UNC13C: variants seen among roughly 807,000 people sequenced by gnomAD.
UNC13C encodes protein unc-13 homolog C.
UNC13C carries 174 observed loss-of-function variants against 245.4 expected under a neutral mutation model. The ratio of observed to expected loss-of-function variants is 0.71; its 90% CI spans 0.63 to 0.80. The LOEUF (loss-of-function observed/expected upper bound fraction) is 0.80, where lower values mean the gene tolerates loss of function less well. Among genes scored for constraint, UNC13C ranks in the 30% least tolerant of loss-of-function variants. The pLI is 0.00. For synonymous variants in UNC13C, 992 were observed against 895.1 expected (o/e 1.11, Z -1.93); for missense variants, 2,829 against 2,602.9 (o/e 1.09, Z -1.89).
At chr15:54,384,502 G>A (rs1373198889) in intron 17 of UNC13C, among the ~76,000 whole-genome samples, 2 of 151,922 alleles carry the variant, frequency 1.3e-5, no homozygotes, top group Non-Finnish European at 2.9e-5. Context: ...TATACAAAAG[G>A]CAACTCAATA....
At chr15:54,456,442 GTGTGAT>G (rs1034696968) in intron 19 of UNC13C, among the ~76,000 whole-genome samples, 1 of 151,986 alleles carries the variant, frequency 6.6e-6, no homozygotes, top group African/African-American at 2.4e-5. Flanking sequence ...GCTTTTGGCA[GTGTGAT>G]CATTTTCATA....
chr15:54,206,253 C>T (rs569278071), intron 4 of UNC13C, among the ~76,000 whole-genome samples: 3 of 152,132 alleles, frequency 2.0e-5, no homozygotes, highest in Non-Finnish European at 4.4e-5. Context: ...GCACTAGTCA[C>T]TTACAACCCA....
the UNC13C span, among the ~76,000 whole-genome samples, chr15:53,854,565 T>C: frequency 6.6e-6 from 1 of 152,176 alleles, no homozygotes; most frequent in Admixed American, 6.5e-5. Flanking sequence ...CTTTCCCCAT[T>C]AATTGTTTTT....
chr15:54,571,858 T>C (rs546830641), intron 30 of UNC13C, among the ~76,000 whole-genome samples: 34 of 152,332 alleles, frequency 2.2e-4, no homozygotes, highest in African/African-American at 7.7e-4. Flanking sequence ...ATCTTCCTCA[T>C]TTGTGACCAA....
intron 25 of UNC13C, among the ~76,000 whole-genome samples, chr15:54,530,775 A>AGG (rs963621851): frequency 6.6e-6 from 1 of 152,170 alleles, no homozygotes; most frequent in African/African-American, 2.4e-5. Context: ...GAACACCAGG[A>AGG]GGTCTATTGT....
chr15:54,170,224 G>A (rs2033344423), intron 4 of UNC13C, among the ~76,000 whole-genome samples: 1 of 151,900 alleles, frequency 6.6e-6, no homozygotes, highest in Non-Finnish European at 1.5e-5. Flanking sequence ...TTCCATTTGA[G>A]AAGCATTTGT....
chr15:54,475,066 A>C (rs992501493), intron 19 of UNC13C, among the ~76,000 whole-genome samples: 1 of 151,952 alleles, frequency 6.6e-6, no homozygotes. Flanking sequence ...ATCAAATTTC[A>C]ACACAAGATT....
chr15:54,603,578 C>A (rs1899573892), intron 30 of UNC13C, among the ~76,000 whole-genome samples: 1 of 152,060 alleles, frequency 6.6e-6, no homozygotes, highest in Admixed American at 6.6e-5. Context: ...ATATGAAGAA[C>A]TGGCCAGGCA....
At chr15:54,381,888 C>T (rs1276273043) in intron 17 of UNC13C, among the ~76,000 whole-genome samples, 1 of 152,160 alleles carries the variant, frequency 6.6e-6, no homozygotes, top group African/African-American at 2.4e-5. Context: ...TTAAACTGAA[C>T]TTGCGACCAA....
intron 19 of UNC13C, among the ~76,000 whole-genome samples, chr15:54,467,396 C>CT (rs111227798): frequency 4.4e-4 from 66 of 150,474 alleles, no homozygotes; most frequent in East Asian, 2.1e-3. Flanking sequence ...CTACAAATTT[C>CT]TTTTTTTTTA....
At chr15:54,130,081 T>G (rs2031315169) in intron 2 of UNC13C, among the ~76,000 whole-genome samples, 2 of 128,678 alleles carry the variant, frequency 1.6e-5, no homozygotes, top group Non-Finnish European at 3.4e-5. Flanking sequence ...GTTTTAATTT[T>G]TATTAATGTT....
chr15:53,887,103 A>C, the UNC13C span, among the ~76,000 whole-genome samples: 1 of 152,180 alleles, frequency 6.6e-6, no homozygotes, highest in African/African-American at 2.4e-5. Context: ...GACTTTGGTT[A>C]ATCCTATATC....
chr15:53,990,369 G>C (rs2140958873), intron 1 of UNC13C, among the ~76,000 whole-genome samples: 1 of 152,074 alleles, frequency 6.6e-6, no homozygotes, highest in East Asian at 1.9e-4. Flanking sequence ...AGTTTAGGAA[G>C]ATTAAATGCA....
chr15:53,993,173 G>A (rs944080970), intron 1 of UNC13C, among the ~76,000 whole-genome samples: 1 of 152,114 alleles, frequency 6.6e-6, no homozygotes, highest in Non-Finnish European at 1.5e-5. Context: ...CTATGAGACA[G>A]AGAAATATAC....
the UNC13C span, among the ~76,000 whole-genome samples, chr15:53,846,109 C>T: frequency 1.1e-4 from 17 of 152,136 alleles, no homozygotes; most frequent in Non-Finnish European, 1.6e-4. Context: ...TAAGTGTTCT[C>T]AGCCCATTTA....
chr15:54,365,456 G>A (rs1287548582), intron 17 of UNC13C, among the ~76,000 whole-genome samples: 1 of 152,014 alleles, frequency 6.6e-6, no homozygotes, highest in Non-Finnish European at 1.5e-5. Flanking sequence ...TGATAAATTT[G>A]GGGATAAATA....
chr15:53,919,635 A>G, the UNC13C span, among the ~76,000 whole-genome samples: 4 of 152,216 alleles, frequency 2.6e-5, no homozygotes, highest in African/African-American at 4.8e-5. Context: ...TTTTGGAACA[A>G]TGTTAATTTT....
Position 54,013,359 on chromosome 15 carries a change from C to T in UNC13C, c.456C>T (p.Arg152=), listed in dbSNP as rs928055796. The change falls in exon 2 of 33, where the codon CGC becomes CGT. Residue 152 remains arginine, a synonymous_variant. Transcript: ENST00000260323. ...AQSTHTMPVR[R]NRKSSSSLAP... ...CAACACACACAATGCCAGTTAGACG[C>T]AACAGAAAGAGTTCAAGCAGCCTTG... The T allele has an allele frequency of 2.5e-6, 4 of 1,613,834 alleles. No homozygotes were observed. In the South Asian group the frequency reaches 3.3e-5, roughly 13 times the overall value.
chr15:54,615,628 A>C (rs1900380238), intron 30 of UNC13C, among the ~76,000 whole-genome samples: 1 of 152,098 alleles, frequency 6.6e-6, no homozygotes, highest in Non-Finnish European at 1.5e-5. Context: ...AGATGCTGAT[A>C]GGTCAAGTCA....
Sources: gnomAD v4.1 joint callset for allele counts (sites outside exome capture counted in the v4.1 genomes callset) on GRCh38, gnomAD v4.1.1 for gene constraint, MANE v1.5 for transcripts, NCBI Gene and HGNC (gene_info 2026-07-23, HGNC 2026-07-21) for gene names.